ARHGAP15: variants seen among roughly 807,000 people sequenced by gnomAD.
ARHGAP15 encodes rho GTPase-activating protein 15.
A neutral mutation model predicts 63.7 loss-of-function variants in ARHGAP15; 51 were observed. The observed-to-expected ratio is 0.80, with a 90% CI of 0.64 to 1.01. The LOEUF (loss-of-function observed/expected upper bound fraction) is 1.01. Ranked by LOEUF, ARHGAP15 falls within the 50% of genes least tolerant of loss-of-function variation. ARHGAP15 has a pLI of 0.00. For missense variants in ARHGAP15, 560 were observed against 564.6 expected (o/e 0.99, Z 0.08); for synonymous variants, 191 against 193.8 (o/e 0.99, Z 0.12).
At chr2:143,730,781 TG>T (rs1397671245) in intron 13 of ARHGAP15, among the ~76,000 whole-genome samples, 3 of 151,338 alleles carry the variant, frequency 2.0e-5, no homozygotes, top group Non-Finnish European at 4.4e-5. Context: ...AGTAGTAAAG[TG>T]GCTTCCAGAT....
At chr2:143,618,983 G>A (rs377302965) in intron 11 of ARHGAP15, among the ~76,000 whole-genome samples, 24 of 132,126 alleles carry the variant, frequency 1.8e-4, no homozygotes, top group Admixed American at 5.6e-4. Flanking sequence ...CCACCATGCC[G>A]GGCTACTTTT....
intron 9 of ARHGAP15, among the ~76,000 whole-genome samples, chr2:143,496,797 G>T (rs1692836084): frequency 6.6e-6 from 1 of 152,190 alleles, no homozygotes; most frequent in African/African-American, 2.4e-5. Flanking sequence ...TTAATGCTGG[G>T]AATGTAAAAT....
chr2:143,664,210 AAACT>A (rs1461312346), intron 12 of ARHGAP15, among the ~76,000 whole-genome samples: 1 of 152,244 alleles, frequency 6.6e-6, no homozygotes, highest in East Asian at 1.9e-4. Context: ...AGATTACAAC[AAACT>A]ATCTCTCAGA....
At chr2:143,759,718 G>T (rs983477811) in intron 13 of ARHGAP15, among the ~76,000 whole-genome samples, 1 of 152,088 alleles carries the variant, frequency 6.6e-6, no homozygotes. Flanking sequence ...CCTGATATGT[G>T]CACCTCGACA....
At chr2:143,435,044 T>A (rs955044818) in intron 6 of ARHGAP15, among the ~76,000 whole-genome samples, 1 of 152,110 alleles carries the variant, frequency 6.6e-6, no homozygotes, top group Admixed American at 6.6e-5. Context: ...GGGAAATTGG[T>A]TTTTTTATTA....
intron 8 of ARHGAP15, among the ~76,000 whole-genome samples, chr2:143,470,641 ATGTG>A (rs111252115): frequency 6.6e-5 from 9 of 136,584 alleles, no homozygotes; most frequent in South Asian, 2.4e-4. Flanking sequence ...GTGTGTATAT[ATGTG>A]TGTGTATATA....
At chr2:143,736,573 C>T (rs1267103598) in intron 13 of ARHGAP15, among the ~76,000 whole-genome samples, 1 of 152,158 alleles carries the variant, frequency 6.6e-6, no homozygotes, top group Non-Finnish European at 1.5e-5. Context: ...ACAAATTTCT[C>T]ATTTCTTCTA....
At chr2:143,426,855 C>T (rs1689156994) in intron 6 of ARHGAP15, among the ~76,000 whole-genome samples, 1 of 152,154 alleles carries the variant, frequency 6.6e-6, no homozygotes, top group Non-Finnish European at 1.5e-5. Flanking sequence ...CTTCTGTTCT[C>T]TGAATGTAAA....
At chr2:143,250,104 A>AT (rs1027985425) in intron 5 of ARHGAP15, among the ~76,000 whole-genome samples, 2 of 152,020 alleles carry the variant, frequency 1.3e-5, no homozygotes, top group African/African-American at 4.8e-5. Flanking sequence ...TGATTTATCA[A>AT]TTTTTTCTTT....
chr2:143,623,765 G>A (rs1052849764), intron 11 of ARHGAP15, among the ~76,000 whole-genome samples: 5 of 152,210 alleles, frequency 3.3e-5, no homozygotes, highest in African/African-American at 9.7e-5. Context: ...CCCTTGAGCC[G>A]GCCATCATTG....
At chr2:143,187,064 C>T (rs187965121) in intron 2 of ARHGAP15, among the ~76,000 whole-genome samples, 226 of 152,130 alleles carry the variant, frequency 1.5e-3, no homozygotes, top group Middle Eastern at 3.4e-3. Flanking sequence ...GCCCCTCACC[C>T]GCTAATAACA....
chr2:143,166,914 A>C (rs1322118568), intron 2 of ARHGAP15, among the ~76,000 whole-genome samples: 1 of 152,078 alleles, frequency 6.6e-6, no homozygotes, highest in Non-Finnish European at 1.5e-5. Context: ...TAGATTTATA[A>C]TGCCTCTTTT....
chr2:143,756,575 A>T (rs758145335), intron 13 of ARHGAP15, among the ~76,000 whole-genome samples: 41 of 152,138 alleles, frequency 2.7e-4, no homozygotes, highest in Non-Finnish European at 5.3e-4. Flanking sequence ...AAAGATTAAG[A>T]ATTCTTTTAC....
intron 6 of ARHGAP15, among the ~76,000 whole-genome samples, chr2:143,329,795 T>G (rs1558897359): frequency 6.6e-6 from 1 of 151,868 alleles, no homozygotes; most frequent in Admixed American, 6.6e-5. Context: ...CCTCCGTAGT[T>G]CAGCAGTAGC....
At chr2:143,433,926 T>C (rs1054798132) in intron 6 of ARHGAP15, among the ~76,000 whole-genome samples, 14 of 152,072 alleles carry the variant, frequency 9.2e-5, no homozygotes, top group African/African-American at 3.4e-4. Context: ...ACATTACTAG[T>C]TTTCTTGTGT....
chr2:143,727,308 G>A (rs926809872), intron 13 of ARHGAP15, among the ~76,000 whole-genome samples: 2 of 152,286 alleles, frequency 1.3e-5, no homozygotes, highest in South Asian at 2.1e-4. Context: ...TGTATTTCAA[G>A]TATAATAAAC....
At chr2:143,398,182 G>C (rs902729143) in intron 6 of ARHGAP15, among the ~76,000 whole-genome samples, 2 of 152,050 alleles carry the variant, frequency 1.3e-5, no homozygotes, top group African/African-American at 4.8e-5. Flanking sequence ...GAGGTGCTGG[G>C]GAAGGCAATT....
At chr2:143,344,191 T>C (rs1685174311) in intron 6 of ARHGAP15, 2 of 152,128 alleles carry the variant, frequency 1.3e-5, no homozygotes, top group Admixed American at 6.6e-5. Context: ...CTCAGATGGT[T>C]GTTTGAAAGT....
At chr2:143,510,840 A>C (rs1693552179) in intron 9 of ARHGAP15, among the ~76,000 whole-genome samples, 1 of 152,148 alleles carries the variant, frequency 6.6e-6, no homozygotes, top group Non-Finnish European at 1.5e-5. Flanking sequence ...TCCTTTTTGA[A>C]GTTTACTAGA....
Sources: allele counts gnomAD v4.1 joint callset (sites outside exome capture counted in the v4.1 genomes callset), GRCh38; gene constraint gnomAD v4.1.1; transcripts MANE v1.5; gene names NCBI Gene and HGNC (gene_info 2026-07-23, HGNC 2026-07-21).